The following TSPAN11 variants were observed in gnomAD, a reference collection of about 807,000 sequenced individuals.
The protein encoded by TSPAN11 is tetraspanin-11.
Under a neutral mutation model 32.9 loss-of-function variants are expected in TSPAN11, and 29 were observed. The observed-to-expected ratio is 0.88, with a 90% CI of 0.66 to 1.20. The LOEUF (loss-of-function observed/expected upper bound fraction) is 1.20, where lower values mean the gene tolerates loss of function less well. Among genes scored for constraint, TSPAN11 ranks in the 50% most tolerant of loss-of-function variants. TSPAN11 has a pLI of 0.00. For missense variants in TSPAN11, 283 were observed against 329.1 expected, an observed-to-expected ratio of 0.86 and a Z score of 1.08; for synonymous variants, 140 against 141.3, an observed-to-expected ratio of 0.99 and a Z score of 0.07.
At position 30,950,426 on chromosome 12, in the gene TSPAN11, G is replaced by A. The variant is rs11051180; in HGVS notation, c.-11-3555G>A. ...GAATAATATTTATCAATAAATTAGC[G>A]GGGGCAGTTGTACAGTCAGAATTGC... On this transcript the variant is annotated intron_variant, in intron 1 of 7. Transcript: ENST00000546076. Among the ~76,000 whole-genome samples the A allele has an allele frequency of 2.2e-3, 330 of 152,222 alleles. 4 individuals are homozygous for A. In the East Asian group the frequency reaches 0.054, roughly 25 times the overall value.
In TSPAN11 at chr12:30,930,826, TTTCTCCCTGGGATGCTTTTCCAACTGGC is replaced by T. The variant is rs1464777903; in HGVS notation, c.-12+4031_-12+4058del. Among the ~76,000 whole-genome samples the T allele has an allele frequency of 5.9e-5, 9 of 152,340 alleles. No individual in the cohort carries two copies. In the East Asian group the frequency reaches 1.5e-3, roughly 26 times the overall value. ...GGCCCCAGGCCAGTCAAGCACTCCC[TTTCTCCCTGGGATGCTTTTCCAACTGGC>T]CATGCGACTTCCACTCACAACTATG... On this transcript the variant is annotated intron_variant, in intron 1 of 7. Coordinates refer to ENST00000546076, the MANE Select transcript of TSPAN11 (RefSeq NM_001370302.1).
chr12:31,012,900 A>G, the TSPAN11 span: 2 of 152,248 alleles, frequency 1.3e-5, no homozygotes, highest in African/African-American at 2.4e-5. Context: ...AAGATACAAG[A>G]TATTTTCTGT....
chr12:31,009,373 A>G, the TSPAN11 span, among the ~76,000 whole-genome samples: 8 of 152,294 alleles, frequency 5.3e-5, no homozygotes, highest in African/African-American at 1.7e-4. Flanking sequence ...CCACCCTGTG[A>G]GCACTGACCT....
In TSPAN11 at chr12:30,991,094, C is replaced by T. The variant is rs145838059; in HGVS notation, c.703-762C>T. ...AGAAGGCGGTGTGCAGGGTGATCCT[C>T]CCAGGCCTGTGTCTGCTTTGGACCA... On this transcript the variant is annotated intron_variant, in intron 7 of 7. Transcript: ENST00000546076. Among the ~76,000 whole-genome samples the T allele has an allele frequency of 3.7e-3, 570 of 152,302 alleles. 9 individuals are homozygous for T. Among genetic ancestry groups the T allele is most frequent in the African/African-American group, 0.013 (521 of 41,564 alleles).
At chr12:30,964,143 G>T (rs1938679131) in intron 3 of TSPAN11, 126 bp downstream of exon 3, 3 of 1,213,180 alleles carry the variant, frequency 2.5e-6, no homozygotes, top group Non-Finnish European at 3.4e-6. Context: ...GCCCGAGAAG[G>T]GGTGGCTGCT....
downstream of TSPAN11, chr12:30,998,865 C>T: frequency 6.6e-6 from 1 of 152,170 alleles, no homozygotes; most frequent in Non-Finnish European, 1.5e-5. Flanking sequence ...AGGTCAAATT[C>T]AACATCCTCT....
At chr12:30,968,406 G>T (rs998736972) in intron 3 of TSPAN11, among the ~76,000 whole-genome samples, 2 of 152,352 alleles carry the variant, frequency 1.3e-5, no homozygotes, top group Middle Eastern at 6.8e-3. Context: ...CAAGAAGGAC[G>T]TGGCCGTCGG....
At chr12:30,979,444 A>G in intron 4 of TSPAN11, 122 bp from the exon 5 acceptor site, 1 of 871,930 alleles carries the variant, frequency 1.1e-6, no homozygotes, top group Non-Finnish European at 1.9e-6. Context: ...AAACCTCCGC[A>G]TCACACCATC....
the TSPAN11 span, among the ~76,000 whole-genome samples, chr12:31,004,666 T>C: frequency 6.6e-6 from 1 of 152,156 alleles, no homozygotes; most frequent in Admixed American, 6.5e-5. Context: ...TGAGAGTTTC[T>C]AGCAGGAATG....
chr12:30,940,922 G>A (rs1428572490), intron 1 of TSPAN11, among the ~76,000 whole-genome samples: 2 of 152,166 alleles, frequency 1.3e-5, no homozygotes, highest in Non-Finnish European at 2.9e-5. Flanking sequence ...ACATGTGAGA[G>A]ATCTCAGTTG....
the TSPAN11 span, among the ~76,000 whole-genome samples, chr12:31,014,703 G>A: frequency 1.3e-5 from 2 of 152,216 alleles, no homozygotes; most frequent in African/African-American, 4.8e-5. Context: ...ACAGAACAAG[G>A]GAGTCTGACA....
rs1280795068 is a variant in TSPAN11, at chr12:30,926,749, G to A, written c.-59G>A. On this transcript the variant is annotated 5_prime_UTR_variant, in exon 1 of 8. Coordinates refer to ENST00000546076, the MANE Select transcript of TSPAN11 (RefSeq NM_001370302.1). ...GCGGCCCCGGGAGCCGCCGCTCTCA[G>A]TCTCTCTAGGCGCAGCTCCCTTCGC... 3.8e-6 allele frequency: 1 copy of A among 266,118 alleles called. No individual in the cohort carries two copies. The highest frequency in any genetic ancestry group is 6.4e-5 in the Admixed American group (1 of 15,734). The allele number at this position is 266,118 out of a possible 1,614,324, so 16.5% of individuals were successfully genotyped here.
At chr12:30,948,962 A>G (rs544065133) in intron 1 of TSPAN11, among the ~76,000 whole-genome samples, 2 of 152,310 alleles carry the variant, frequency 1.3e-5, no homozygotes, top group Admixed American at 1.3e-4. Context: ...CTTCCACCAG[A>G]TACCCTAAAT....
chr12:30,973,088 C>T (rs1041940675), intron 3 of TSPAN11, among the ~76,000 whole-genome samples: 2 of 152,200 alleles, frequency 1.3e-5, no homozygotes, highest in Admixed American at 6.5e-5. Context: ...GCTCATCCGT[C>T]CATCCCTCCC....
intron 3 of TSPAN11, among the ~76,000 whole-genome samples, chr12:30,972,903 G>A (rs1041992999): frequency 6.6e-6 from 1 of 151,872 alleles, no homozygotes; most frequent in East Asian, 2.0e-4. Context: ...AGTGACGGAT[G>A]CTTATGCGCC....
At chr12:30,931,670 A>G (rs1308213959) in intron 1 of TSPAN11, among the ~76,000 whole-genome samples, 1 of 152,038 alleles carries the variant, frequency 6.6e-6, no homozygotes, top group Non-Finnish European at 1.5e-5. Flanking sequence ...ACCTGAGGTC[A>G]GGAGTTCAAG....
intron 3 of TSPAN11, among the ~76,000 whole-genome samples, chr12:30,967,661 C>T (rs12320901): frequency 0.15 from 21,283 of 138,102 alleles, 1,740 homozygotes; most frequent in East Asian, 0.4. Context: ...TGTGCATGCA[C>T]GCACACACAT....
intron 1 of TSPAN11, among the ~76,000 whole-genome samples, chr12:30,936,035 C>T (rs1291313771): frequency 6.6e-6 from 1 of 152,220 alleles, no homozygotes; most frequent in Non-Finnish European, 1.5e-5. Context: ...ACCTGCTGAA[C>T]CATTTGGGTT....
At chr12:30,940,512 A>G (rs769978118) in intron 1 of TSPAN11, among the ~76,000 whole-genome samples, 38 of 152,256 alleles carry the variant, frequency 2.5e-4, no homozygotes, top group Non-Finnish European at 4.9e-4. Flanking sequence ...AGGGAATCCG[A>G]CAGGTTTAGA....
Sources: gnomAD v4.1 joint callset for allele counts (sites outside exome capture counted in the v4.1 genomes callset) on GRCh38, gnomAD v4.1.1 for gene constraint, MANE v1.5 for transcripts, NCBI Gene and HGNC (gene_info 2026-07-23, HGNC 2026-07-21) for gene names.